The following NRP1 variants were observed in gnomAD, a reference collection of about 807,000 sequenced individuals.
The protein encoded by NRP1 is neuropilin 1.
In NRP1, 35 loss-of-function variants were observed where a neutral mutation model predicts 106.7. The ratio of observed to expected loss-of-function variants is 0.33; its 90% CI spans 0.25 to 0.43. The LOEUF (loss-of-function observed/expected upper bound fraction) is 0.43. Ranked by LOEUF, NRP1 falls within the 20% of genes least tolerant of loss-of-function variation. NRP1 has a pLI of 1.00. For missense variants in NRP1, 1,024 were observed against 1,170.4 expected, an observed-to-expected ratio of 0.87 and a Z score of 1.83; for synonymous variants, 437 against 417.9, an observed-to-expected ratio of 1.05 and a Z score of -0.56.
At chr10:33,294,756 G>T (rs1436006584) in intron 2 of NRP1, among the ~76,000 whole-genome samples, 3 of 152,182 alleles carry the variant, frequency 2.0e-5, no homozygotes, top group Non-Finnish European at 4.4e-5. Context: ...GGTTCACCAG[G>T]CGTAAGGGAA....
chr10:33,180,480 T>A lies in NRP1; in HGVS notation c.2483-115A>T, dbSNP rs1189940557. The A allele has an allele frequency of 2.9e-6, 3 of 1,051,956 alleles. No individual in the cohort carries two copies. The East Asian group carries it at 7.3e-5, about 26-fold the overall frequency. 65.2% of individuals were successfully genotyped at this position (1,051,956 alleles called of 1,614,324 possible). Reference sequence around the variant, plus strand: ...AAATCACACACCCCAGTTTTGCCTGTCATATCTGACTCATTGTTGGGAACA... The same window carrying A: ...AAATCACACACCCCAGTTTTGCCTGACATATCTGACTCATTGTTGGGAACA... On this transcript the variant is annotated intron_variant, in intron 16 of 16. Coordinates refer to ENST00000374867, the MANE Select transcript of NRP1 (RefSeq NM_003873.7).
At chr10:33,217,967 G>A (rs1319376678) in intron 8 of NRP1, among the ~76,000 whole-genome samples, 3 of 152,178 alleles carry the variant, frequency 2.0e-5, no homozygotes, top group Non-Finnish European at 4.4e-5. Flanking sequence ...AACTGCATTC[G>A]ATGGGAGACC....
At chr10:33,280,920 G>A (rs1348123602) in intron 2 of NRP1, among the ~76,000 whole-genome samples, 7 of 151,106 alleles carry the variant, frequency 4.6e-5, no homozygotes, top group African/African-American at 2.4e-5. Flanking sequence ...AGGTTGAACC[G>A]AGATGGCACC....
At chr10:33,184,311 C>T (rs974420625) in intron 15 of NRP1, among the ~76,000 whole-genome samples, 7 of 152,292 alleles carry the variant, frequency 4.6e-5, no homozygotes, top group East Asian at 1.9e-4. Flanking sequence ...CCACTGCACC[C>T]GGCTCAGCCA....
chr10:33,236,296 T>C (rs1296811284), intron 6 of NRP1, among the ~76,000 whole-genome samples: 1 of 152,238 alleles, frequency 6.6e-6, no homozygotes, highest in African/African-American at 2.4e-5. Flanking sequence ...CTCAAATATG[T>C]ATACATGGGA....
At chr10:33,255,975 G>A (rs987729538) in intron 5 of NRP1, among the ~76,000 whole-genome samples, 54 of 152,156 alleles carry the variant, frequency 3.5e-4, no homozygotes, top group African/African-American at 1.3e-3. Flanking sequence ...TGGGATAGAT[G>A]CCTGTCCTCT....
At chr10:33,210,996 C>G (rs986322456) in intron 9 of NRP1, among the ~76,000 whole-genome samples, 1 of 152,122 alleles carries the variant, frequency 6.6e-6, no homozygotes, top group African/African-American at 2.4e-5. Flanking sequence ...AACGAAGAAG[C>G]TTTTACAGTT....
At chr10:33,210,699 TG>T (rs915064405) in intron 9 of NRP1, among the ~76,000 whole-genome samples, 11 of 152,198 alleles carry the variant, frequency 7.2e-5, no homozygotes, top group Non-Finnish European at 1.5e-4. Context: ...CCACTATTTT[TG>T]GGGTAGAGAG....
intron 2 of NRP1, among the ~76,000 whole-genome samples, chr10:33,322,195 T>C (rs1196979766): frequency 2.6e-5 from 4 of 152,130 alleles, no homozygotes; most frequent in Non-Finnish European, 5.9e-5. Flanking sequence ...TGGTATCTAA[T>C]ATGCCCTTTT....
rs1392804964 is a variant in NRP1 at position 33,256,304 on chromosome 10, A to G, written c.814+12T>C. 5 of 1,613,808 alleles carry G rather than the reference A, an allele frequency of 3.1e-6. No homozygotes were observed. Among genetic ancestry groups the G allele is most frequent in the Non-Finnish European group, 3.4e-6 (4 of 1,179,772 alleles). On this transcript the variant is annotated intron_variant, in intron 5 of 16. Coordinates refer to ENST00000374867, the MANE Select transcript of NRP1 (RefSeq NM_003873.7). Reference sequence around the variant, plus strand: ...TTTACCACAGGGCTTTGCAAAATGAATAAACACTGACCTTCTGAGACACTG... The same window carrying G: ...TTTACCACAGGGCTTTGCAAAATGAGTAAACACTGACCTTCTGAGACACTG...
intron 6 of NRP1, among the ~76,000 whole-genome samples, chr10:33,253,826 C>T (rs951639541): frequency 6.6e-6 from 1 of 152,258 alleles, no homozygotes; most frequent in East Asian, 1.9e-4. Flanking sequence ...TTTCTCTGAT[C>T]GTGTAGCGAT....
At chr10:33,199,389 A>ATATATATATATATTT (rs1564372890) in intron 11 of NRP1, among the ~76,000 whole-genome samples, 1 of 36,850 alleles carries the variant, frequency 2.7e-5, no homozygotes, top group Non-Finnish European at 4.5e-5. Flanking sequence ...ATATATATAT[A>ATATATATATATATTT]TTTTTTTTTT....
chr10:33,185,622 A>G lies in NRP1; in HGVS notation c.2431+6T>C. The G allele has an allele frequency of 2.5e-6, 4 of 1,603,294 alleles. No homozygotes were observed. The highest frequency in any genetic ancestry group is 3.4e-6 in the Non-Finnish European group (4 of 1,170,252). On this transcript the variant is annotated splice_donor_region_variant and intron_variant, in intron 15 of 16. Coordinates refer to ENST00000374867, the MANE Select transcript of NRP1 (RefSeq NM_003873.7). ...TCCATTGGTTTCTACAGCAGCTCAT[A>G]CTTACTTGCACAATCTTCTTGTGAA...
chr10:33,235,391 A>G (rs914762401), intron 6 of NRP1, among the ~76,000 whole-genome samples: 3 of 152,338 alleles, frequency 2.0e-5, no homozygotes, highest in Non-Finnish European at 4.4e-5. Flanking sequence ...AGGTGGAGTC[A>G]CTACCATTGC....
chr10:33,240,127 A>C (rs56291819), intron 6 of NRP1, among the ~76,000 whole-genome samples: 22,297 of 152,204 alleles, frequency 0.15, 1,775 homozygotes, highest in Middle Eastern at 0.25. Flanking sequence ...TCATGGAAGA[A>C]GTCTTGGAGG....
At chr10:33,225,414 G>T (rs1303119426) in intron 7 of NRP1, among the ~76,000 whole-genome samples, 2 of 152,258 alleles carry the variant, frequency 1.3e-5, no homozygotes, top group African/African-American at 2.4e-5. Context: ...CAGCCTCCAG[G>T]GCAAGCTTTT....
intron 7 of NRP1, among the ~76,000 whole-genome samples, chr10:33,225,554 C>T (rs866483263): frequency 5.3e-5 from 8 of 152,164 alleles, no homozygotes; most frequent in South Asian, 2.1e-4. Context: ...GGCAGAGCGC[C>T]GAGGGACACG....
At position 33,182,706 on chromosome 10, in the gene NRP1, T is replaced by C. The variant is rs767480570; in HGVS notation, c.2474A>G (p.Asp825Gly). The C allele has an allele frequency of 1.9e-6, 3 of 1,612,360 alleles. No individual in the cohort carries two copies. Among genetic ancestry groups the C allele is most frequent in the Non-Finnish European group, 2.5e-6 (3 of 1,179,110 alleles). Residue 825 changes from aspartate (D) to glycine (G), a missense_variant, in exon 16 of 17, where the codon GAT (aspartate) becomes GGT (glycine). By Grantham distance (94) the Asp-to-Gly change is moderately conservative (BLOSUM62 -1). This residue lies in a region of NRP1 where 164 missense variants were observed against 161.4 expected (regional missense o/e 1.02). Coordinates refer to ENST00000374867, the MANE Select transcript of NRP1 (RefSeq NM_003873.7). ...CAGCAAGACAAATTTACCTGTTTCA[T>C]CAATTTTAATTTCTGGGTTCTTTTT... ...LDKKNPEIKI[D>G]ETGSTPGYEG...
chr10:33,330,596 T>C (rs1848207265), intron 2 of NRP1, 112 bp downstream of exon 2: 1 of 789,706 alleles, frequency 1.3e-6, no homozygotes, highest in African/African-American at 1.8e-5. Context: ...GAGATTGGAA[T>C]CCCTCCTGGA....
Sources: allele counts gnomAD v4.1 joint callset (sites outside exome capture counted in the v4.1 genomes callset), GRCh38; gene constraint gnomAD v4.1.1; regional missense constraint gnomAD v4.1.1; transcripts MANE v1.5; gene names NCBI Gene and HGNC (gene_info 2026-07-23, HGNC 2026-07-21).